RSPO2: variants seen among roughly 807,000 people sequenced by gnomAD.
The protein encoded by RSPO2 is R-spondin 2, also known as R-spondin-2.
Under a neutral mutation model 30.9 loss-of-function variants are expected in RSPO2, and 14 were observed. The ratio of observed to expected loss-of-function variants is 0.45; its 90% CI spans 0.30 to 0.71. The LOEUF is 0.71. Among genes scored for constraint, RSPO2 ranks in the 30% least tolerant of loss-of-function variants. The pLI is 0.08. For synonymous variants in RSPO2, 107 were observed against 96.4 expected (o/e 1.11, Z -0.64); for missense variants, 264 against 301.9 (o/e 0.87, Z 0.93).
chr8:107,908,037 T>A (rs1293319362), intron 5 of RSPO2, among the ~76,000 whole-genome samples: 1 of 152,114 alleles, frequency 6.6e-6, no homozygotes, highest in Non-Finnish European at 1.5e-5. Context: ...ACAAATGAAC[T>A]GTATTCAGAA....
At chr8:108,065,144 C>T (rs1023776616) in intron 2 of RSPO2, among the ~76,000 whole-genome samples, 1 of 151,528 alleles carries the variant, frequency 6.6e-6, no homozygotes, top group East Asian at 1.9e-4. Context: ...GCATTGTGCA[C>T]ATGTACCCTA....
At chr8:107,993,183 A>G (rs896289559) in intron 2 of RSPO2, among the ~76,000 whole-genome samples, 1 of 152,192 alleles carries the variant, frequency 6.6e-6, no homozygotes, top group Non-Finnish European at 1.5e-5. Context: ...TCAGTGAGGA[A>G]GACTAATGTA....
At chr8:108,073,474 G>A (rs1812918036) in intron 2 of RSPO2, among the ~76,000 whole-genome samples, 1 of 152,152 alleles carries the variant, frequency 6.6e-6, no homozygotes, top group Admixed American at 6.6e-5. Context: ...TCTAGCAGGA[G>A]CCCACTTGGC....
chr8:108,043,584 G>A (rs1343598378), intron 2 of RSPO2, among the ~76,000 whole-genome samples: 1 of 133,032 alleles, frequency 7.5e-6, no homozygotes, highest in Non-Finnish European at 1.6e-5. Flanking sequence ...TACTTTGGGG[G>A]AAAAAAGTAT....
intron 2 of RSPO2, among the ~76,000 whole-genome samples, chr8:108,015,196 T>G (rs1275378425): frequency 6.6e-6 from 1 of 152,240 alleles, no homozygotes; most frequent in African/African-American, 2.4e-5. Flanking sequence ...TCTTGTGATG[T>G]ATATACATAT....
chr8:107,966,357 T>C (rs1343158775), intron 3 of RSPO2, among the ~76,000 whole-genome samples: 1 of 152,058 alleles, frequency 6.6e-6, no homozygotes, highest in Non-Finnish European at 1.5e-5. Context: ...ACAAGGTCCT[T>C]ACACCTCAGG....
chr8:107,976,300 A>G (rs949314955), intron 3 of RSPO2, among the ~76,000 whole-genome samples: 1 of 152,216 alleles, frequency 6.6e-6, no homozygotes, highest in Admixed American at 6.5e-5. Context: ...TGCATGGTTT[A>G]ATTAAAGAAA....
chr8:107,949,901 G>A (rs1813187146), intron 5 of RSPO2, among the ~76,000 whole-genome samples: 3 of 152,104 alleles, frequency 2.0e-5, no homozygotes, highest in African/African-American at 7.2e-5. Context: ...TATTACTCAT[G>A]CCACTATTGA....
At chr8:107,994,969 G>C (rs1814965716) in intron 2 of RSPO2, among the ~76,000 whole-genome samples, 1 of 152,046 alleles carries the variant, frequency 6.6e-6, no homozygotes, top group South Asian at 2.1e-4. Context: ...ATCCACAAGA[G>C]AGTCTTCCTT....
chr8:107,960,963 C>A (rs1017507092), intron 3 of RSPO2, 146 bp from the exon 4 acceptor site: 11 of 634,560 alleles, frequency 1.7e-5, no homozygotes, highest in East Asian at 2.8e-5. Flanking sequence ...TGTTTCCTAG[C>A]GCCATCTCAT....
At chr8:107,934,885 G>A (rs943614677) in intron 5 of RSPO2, among the ~76,000 whole-genome samples, 2 of 152,080 alleles carry the variant, frequency 1.3e-5, no homozygotes, top group African/African-American at 2.4e-5. Context: ...AATTTCCTAT[G>A]CCTGTCTTTA....
intron 5 of RSPO2, among the ~76,000 whole-genome samples, chr8:107,909,744 CTT>C (rs1811763640): frequency 6.6e-6 from 1 of 152,166 alleles, no homozygotes; most frequent in South Asian, 2.1e-4. Context: ...TTCTCTGTAA[CTT>C]AGATTTTCTG....
At position 107,918,494 on chromosome 8, in the gene RSPO2, C is replaced by T. The variant is rs796993084; in HGVS notation, c.617-17304G>A. 1.5e-4 allele frequency among the ~76,000 whole-genome samples: 23 copies of T among 152,268 alleles called. 1 individual carries two copies. Among genetic ancestry groups the T allele is most frequent in the African/African-American group, 5.5e-4 (23 of 41,564 alleles). Reference sequence around the variant, plus strand: ...TGAGAAATCTGGCCTCATATCTTGTCTGTACAGTCCCTGTACAAGGTTCCT... The same window carrying T: ...TGAGAAATCTGGCCTCATATCTTGTTTGTACAGTCCCTGTACAAGGTTCCT... On this transcript the variant is annotated intron_variant, in intron 5 of 5. Transcript: ENST00000276659.
intron 3 of RSPO2, among the ~76,000 whole-genome samples, chr8:107,964,219 T>A (rs879146413): frequency 3.9e-5 from 6 of 152,168 alleles, no homozygotes; most frequent in Non-Finnish European, 8.8e-5. Flanking sequence ...ACCCAATATT[T>A]TTTATGCATT....
At chr8:107,925,257 A>G (rs2130323392) in intron 5 of RSPO2, among the ~76,000 whole-genome samples, 1 of 152,104 alleles carries the variant, frequency 6.6e-6, no homozygotes. Context: ...TCGAGAACCC[A>G]TCCATGTAAC....
At chr8:108,037,313 G>A (rs967356816) in intron 2 of RSPO2, among the ~76,000 whole-genome samples, 1 of 152,160 alleles carries the variant, frequency 6.6e-6, no homozygotes, top group Non-Finnish European at 1.5e-5. Flanking sequence ...GAATAAACCA[G>A]CCAGAACATT....
At chr8:108,029,540 C>T (rs965685092) in intron 2 of RSPO2, among the ~76,000 whole-genome samples, 1 of 152,084 alleles carries the variant, frequency 6.6e-6, no homozygotes, top group Non-Finnish European at 1.5e-5. Flanking sequence ...AGAAAGCCCA[C>T]AAAAATCATT....
chr8:108,051,768 G>C (rs1372130943), intron 2 of RSPO2, among the ~76,000 whole-genome samples: 1 of 152,200 alleles, frequency 6.6e-6, no homozygotes, highest in East Asian at 1.9e-4. Context: ...GATGAGAGCT[G>C]ACTCCCATCT....
chr8:107,950,183 T>C (rs1197078550), intron 5 of RSPO2, among the ~76,000 whole-genome samples: 1 of 152,242 alleles, frequency 6.6e-6, no homozygotes, highest in East Asian at 1.9e-4. Context: ...TAAGTATTTG[T>C]ATATATGTGC....
Sources: gnomAD v4.1 joint callset for allele counts (sites outside exome capture counted in the v4.1 genomes callset) on GRCh38, gnomAD v4.1.1 for gene constraint, MANE v1.5 for transcripts, NCBI Gene and HGNC (gene_info 2026-07-23, HGNC 2026-07-21) for gene names.